Variants in SRPRA observed in about 807,000 individuals in gnomAD.
The protein encoded by SRPRA is signal recognition particle receptor subunit alpha.
SRPRA carries 30 observed loss-of-function variants against 61.1 expected under a neutral mutation model. The observed-to-expected ratio is 0.49, with a 90% CI of 0.37 to 0.67. SRPRA has a LOEUF of 0.67. SRPRA is among the 30% of genes least tolerant of loss of function. The pLI is 0.00. For missense variants in SRPRA, 759 were observed against 828.4 expected, an observed-to-expected ratio of 0.92 and a Z score of 1.03; for synonymous variants, 324 against 299.7, an observed-to-expected ratio of 1.08 and a Z score of -0.84.
the SRPRA span, among the ~76,000 whole-genome samples, chr11:126,243,982 C>T: frequency 5.3e-5 from 8 of 151,662 alleles, no homozygotes; most frequent in African/African-American, 1.9e-4. Flanking sequence ...ATGATTTTCT[C>T]AGTAGGTGCA....
the SRPRA span, among the ~76,000 whole-genome samples, chr11:126,250,092 ATTTT>A: frequency 1.5e-5 from 2 of 131,826 alleles, no homozygotes; most frequent in Non-Finnish European, 3.3e-5. The surrounding 1 kb of genome is among the most constrained non-coding windows in gnomAD (Gnocchi z 5.1). Flanking sequence ...TATCCCCGGG[ATTTT>A]TTTTTTTTTT....
In SRPRA at chr11:126,268,882, G is replaced by A. The variant is rs1324137042; in HGVS notation, c.-78C>T. The A allele has an allele frequency of 3.3e-6, 4 of 1,222,702 alleles. No individual in the cohort carries two copies. Among genetic ancestry groups the A allele is most frequent in the South Asian group, 2.5e-5 (2 of 80,146 alleles). The allele number at this position is 1,222,702 out of a possible 1,614,324, so 75.7% of individuals were successfully genotyped here. A position where few individuals can be genotyped will look rare whatever the true frequency, so the allele number is the denominator to read the frequency against. On this transcript the variant is annotated 5_prime_UTR_variant, in exon 1 of 14. Transcript: ENST00000332118. Reference sequence around the variant, plus strand: ...GCCGCCGCTTCCTGCTGCGCCAAGCGCGGGACACGTCACACCAGTGGCCCC... The same window carrying A: ...GCCGCCGCTTCCTGCTGCGCCAAGCACGGGACACGTCACACCAGTGGCCCC...
chr11:126,264,260 A>G lies in SRPRA; in HGVS notation c.1719T>C (p.His573=). 1 of 1,614,130 alleles carries G rather than the reference A, an allele frequency of 6.2e-7. No homozygotes were observed. The highest frequency in any genetic ancestry group is 8.5e-7 in the Non-Finnish European group (1 of 1,179,998). The change falls in exon 13 of 14, where the codon CAT becomes CAC. Residue 573 remains histidine (H), a synonymous_variant. Coordinates refer to ENST00000332118, the MANE Select transcript of SRPRA (RefSeq NM_003139.4). This position sits in a 1 kb window ranked among gnomAD's most constrained non-coding sequence, Gnocchi z 5.0. The part of the protein sequence containing the change: ...LVKFNRALAD[H]SMAQTPRLID... ...TGAGCCGAGGTGTCTGAGCCATAGA[A>G]TGGTCAGCCAAGGCTCTGTTGAACT... is the stretch of plus-strand genomic sequence containing the variant.
At chr11:126,258,448 C>T (rs190155826), downstream of SRPRA, among the ~76,000 whole-genome samples, 3 of 152,320 alleles carry the variant, frequency 2.0e-5, no homozygotes, top group East Asian at 5.8e-4. Context: ...ATCAAATCAT[C>T]CCCAGATTTC....
At chr11:126,237,215 C>CTTTTTTT in the SRPRA span, among the ~76,000 whole-genome samples, 42 of 43,108 alleles carry the variant, frequency 9.7e-4, 6 homozygotes, top group African/African-American at 1.1e-3. Flanking sequence ...CGCGCCTGGC[C>CTTTTTTT]TTTTTTTTTT....
chr11:126,250,696 A>G, the SRPRA span: 1 of 1,613,994 alleles, frequency 6.2e-7, no homozygotes, highest in Admixed American at 1.7e-5. This position sits in a 1 kb window ranked among gnomAD's most constrained non-coding sequence, Gnocchi z 5.1. Context: ...GATCAGGGGA[A>G]ACAGCTTGAA....
At chr11:126,247,866 A>AAT in the SRPRA span, among the ~76,000 whole-genome samples, 90 of 144,934 alleles carry the variant, frequency 6.2e-4, no homozygotes, top group South Asian at 3.7e-3. Flanking sequence ...TCAAAAAAAA[A>AAT]ATATATATAT....
Position 126,268,888 on chromosome 11 carries a change from C to A in SRPRA, c.-84G>T. The A allele has an allele frequency of 8.8e-7, 1 of 1,140,820 alleles. No homozygotes were observed. The highest frequency in any genetic ancestry group is 1.3e-6 in the Non-Finnish European group (1 of 765,370). The allele number at this position is 1,140,820 out of a possible 1,614,324, so 70.7% of individuals were successfully genotyped here. A position where few individuals can be genotyped will look rare whatever the true frequency, so the allele number is the denominator to read the frequency against. On this transcript the variant is annotated 5_prime_UTR_variant, in exon 1 of 14. Coordinates refer to ENST00000332118, the MANE Select transcript of SRPRA (RefSeq NM_003139.4). ...GCTTCCTGCTGCGCCAAGCGCGGGA[C>A]ACGTCACACCAGTGGCCCCGGAAAT...
the SRPRA span, among the ~76,000 whole-genome samples, chr11:126,239,663 G>A: frequency 1.3e-5 from 2 of 152,000 alleles, no homozygotes; most frequent in Admixed American, 6.6e-5. Flanking sequence ...ACAGGTGTGC[G>A]CCACCAGACC....
At chr11:126,248,654 G>A in the SRPRA span, among the ~76,000 whole-genome samples, 3 of 152,138 alleles carry the variant, frequency 2.0e-5, no homozygotes, top group Non-Finnish European at 4.4e-5. Flanking sequence ...ACAGGCGTGA[G>A]CCAGCACGCC....
chr11:126,267,721 G>A lies in SRPRA; in HGVS notation c.202-9C>T. 1 of 1,613,830 alleles carries A rather than the reference G, an allele frequency of 6.2e-7. No individual in the cohort carries two copies. Among genetic ancestry groups the A allele is most frequent in the Non-Finnish European group, 8.5e-7 (1 of 1,179,944 alleles). On this transcript the variant is annotated splice_polypyrimidine_tract_variant and intron_variant, in intron 2 of 13. Coordinates refer to ENST00000332118, the MANE Select transcript of SRPRA (RefSeq NM_003139.4). The surrounding 1 kb of genome is among the most constrained non-coding windows in gnomAD (Gnocchi z 4.2). ...ATCTTCTGAAAACCAACCTGTTTAG[G>A]GGAAGAAACAGCCAACAGATCTGCT...
At position 126,265,730 on chromosome 11, in the gene SRPRA, T is replaced by C. The variant is rs747269847; in HGVS notation, c.1138+7A>G. The C allele has an allele frequency of 6.2e-7, 1 of 1,614,118 alleles. No individual in the cohort carries two copies. Among genetic ancestry groups the C allele is most frequent in the South Asian group, 1.1e-5 (1 of 91,084 alleles). On this transcript the variant is annotated splice_region_variant and intron_variant, in intron 9 of 13. Transcript: ENST00000332118. The surrounding 1 kb of genome is among the most constrained non-coding windows in gnomAD (Gnocchi z 6.3). Reference sequence around the variant, plus strand: ...ATAAGCACTTTCTCACTTAGGTAAGTACTTACTGCTGAACGTCCCCATCAC... The same window carrying C: ...ATAAGCACTTTCTCACTTAGGTAAGCACTTACTGCTGAACGTCCCCATCAC...
At chr11:126,266,988 A>C in intron 4 of SRPRA, 66 bp from the exon 5 acceptor site, 1 of 1,567,504 alleles carries the variant, frequency 6.4e-7, no homozygotes, top group Non-Finnish European at 8.6e-7. Flanking sequence ...AATGGCTAAA[A>C]GTCTTCCAAA....
At chr11:126,250,522 G>A in the SRPRA span, 43 of 1,613,072 alleles carry the variant, frequency 2.7e-5, no homozygotes, top group Non-Finnish European at 3.6e-5. The surrounding 1 kb of genome is among the most constrained non-coding windows in gnomAD (Gnocchi z 5.1). Flanking sequence ...AGTAATGTTC[G>A]ATCCACATTT....
Position 126,264,156 on chromosome 11 carries a change from A to G in SRPRA, c.1788+35T>C, listed in dbSNP as rs767204224. Reference sequence around the variant, plus strand: ...CCTTGCAGCCTCAGCTCCTTTGTGCAGGACGCCCATTCCAGCCTCCAGTCT... The same window carrying G: ...CCTTGCAGCCTCAGCTCCTTTGTGCGGGACGCCCATTCCAGCCTCCAGTCT... On this transcript the variant is annotated intron_variant, in intron 13 of 13. Transcript: ENST00000332118. The surrounding 1 kb of genome is among the most constrained non-coding windows in gnomAD (Gnocchi z 5.0). 1.9e-6 allele frequency: 3 copies of G among 1,612,530 alleles called. No individual in the cohort carries two copies. The Admixed American group carries it at 5.0e-5, about 27-fold the overall frequency.
rs749520454 is a variant in SRPRA at position 126,264,449 on chromosome 11, A to T, written c.1616T>A (p.Ile539Asn). The T allele has an allele frequency of 6.2e-7, 1 of 1,614,194 alleles. No individual in the cohort carries two copies. The highest frequency in any genetic ancestry group is 1.1e-5 in the South Asian group (1 of 91,082). ...APLMTALAKL[I>N]TVNTPDLVLF... is the part of the protein sequence containing the mutation. ...CACCAAATCAGGTGTATTGACAGTA[A>T]TGAGTTTGGCCAGGGCAGTCATCAG... Residue 539 changes from isoleucine to asparagine, a missense_variant, in exon 12 of 14, where the codon ATT becomes AAT. Around this residue, in one of 2 missense-constraint regions of SRPRA, gnomAD observed 284 missense variants for 365.9 expected, o/e 0.78. Transcript: ENST00000332118. This position sits in a 1 kb window ranked among gnomAD's most constrained non-coding sequence, Gnocchi z 5.0.
rs1327560875 is a variant in SRPRA at position 126,267,630 on chromosome 11, C to T, written c.284G>A (p.Arg95His). The change falls in exon 3 of 14, where the codon CGC (arginine) becomes CAC (histidine). Residue 95 changes from arginine (R) to histidine (H), a missense_variant. By Grantham distance (29) the Arg-to-His change is conservative (BLOSUM62 0). Transcript: ENST00000332118. This position sits in a 1 kb window ranked among gnomAD's most constrained non-coding sequence, Gnocchi z 4.2. ...DVHRLFRDKY[R>H]TEIQQQSALS... The stretch of plus-strand genomic sequence containing the variant: ...AGCACTTTGCTGTTGGATCTCTGTG[C>T]GGTACTTGTCCCGAAACAGCCGATG... 3.7e-6 allele frequency: 6 copies of T among 1,613,990 alleles called. No homozygotes were observed. Among genetic ancestry groups the T allele is most frequent in the South Asian group, 2.2e-5 (2 of 91,074 alleles).
At chr11:126,254,513 A>T in the SRPRA span, 80 of 1,555,962 alleles carry the variant, frequency 5.1e-5, no homozygotes, top group Non-Finnish European at 6.8e-5. Context: ...CTTAAAGGGG[A>T]ACATCTTCTT....
In SRPRA at chr11:126,263,876, T is replaced by C. The variant is rs754410249; in HGVS notation, c.*40A>G. On this transcript the variant is annotated 3_prime_UTR_variant, in exon 14 of 14. Transcript: ENST00000332118. ...CATTCTTGATACAGGAAGAAGGGCT[T>C]GTGGGGAAAGCGGCGATTTGGTATT... 4 of 1,610,410 alleles carry C rather than the reference T, an allele frequency of 2.5e-6. No individual in the cohort carries two copies. Among genetic ancestry groups the C allele is most frequent in the Non-Finnish European group, 3.4e-6 (4 of 1,178,524 alleles).
Sources: allele counts gnomAD v4.1 joint callset (sites outside exome capture counted in the v4.1 genomes callset), GRCh38; gene constraint gnomAD v4.1.1; regional missense constraint gnomAD v4.1.1; non-coding constraint Gnocchi (gnomAD v3.1); transcripts MANE v1.5; gene names NCBI Gene and HGNC (gene_info 2026-07-23, HGNC 2026-07-21).